DGKK: variants seen among roughly 807,000 people sequenced by gnomAD.
DGKK encodes 142 kDa diacylglycerol kinase.
A neutral mutation model predicts 92.2 loss-of-function variants in DGKK; 35 were observed. That is an observed-to-expected ratio of 0.38 (90% CI 0.29 to 0.50). The LOEUF (loss-of-function observed/expected upper bound fraction) is 0.50. Among genes scored for constraint, DGKK ranks in the 20% least tolerant of loss-of-function variants. The pLI is 0.92. For missense variants in DGKK, 910 were observed against 992.2 expected (o/e 0.92, Z 1.11); for synonymous variants, 368 against 360.6 (o/e 1.02, Z -0.23).
intron 1 of DGKK, among the ~76,000 whole-genome samples, chrX:50,444,456 C>T (rs541542135): frequency 9.0e-6 from 1 of 110,880 alleles, no homozygotes; most frequent in East Asian, 2.9e-4. Flanking sequence ...CCTCCACCCT[C>T]AAGTACGCCC....
chrX:50,379,835 A>G, intron 19 of DGKK, 101 bp from the exon 20 acceptor site: 3 of 905,547 alleles, frequency 3.3e-6, no homozygotes, highest in East Asian at 3.1e-5. Context: ...CTTCCATTAC[A>G]TGGAAATCTA....
At chrX:50,468,857 T>TTGTGTG (rs145971796) in intron 1 of DGKK, among the ~76,000 whole-genome samples, 388 of 103,339 alleles carry the variant, frequency 3.8e-3, no homozygotes, top group African/African-American at 0.013. Context: ...TGTTATTCGT[T>TTGTGTG]TGTGTGTGTG....
chrX:50,377,747 G>A (rs782785556), intron 22 of DGKK, among the ~76,000 whole-genome samples: 2 of 112,116 alleles, frequency 1.8e-5, no homozygotes, highest in African/African-American at 6.5e-5. Flanking sequence ...ATCATCTGAC[G>A]CTTTTAGCTC....
chrX:50,401,341 C>T (rs1449904412), intron 7 of DGKK, among the ~76,000 whole-genome samples: 1 of 111,037 alleles, frequency 9.0e-6, no homozygotes, highest in Admixed American at 9.6e-5. Flanking sequence ...AGTGTGGCCT[C>T]AGAACTCTGG....
At chrX:50,434,505 G>A (rs1557230584) in intron 1 of DGKK, among the ~76,000 whole-genome samples, 1 of 110,840 alleles carries the variant, frequency 9.0e-6, no homozygotes, top group African/African-American at 3.3e-5. Flanking sequence ...ATCATGATCT[G>A]ACTTGGGTGT....
At chrX:50,403,361 C>A (rs1051161155) in intron 6 of DGKK, 130 bp downstream of exon 6, 2 of 859,550 alleles carry the variant, frequency 2.3e-6, no homozygotes, top group African/African-American at 2.0e-5. Flanking sequence ...TTCATTCTTC[C>A]AGATAAGTTG....
chrX:50,395,174 G>T (rs1924814590), intron 8 of DGKK, among the ~76,000 whole-genome samples: 2 of 111,500 alleles, frequency 1.8e-5, no homozygotes, highest in African/African-American at 6.5e-5. Context: ...GATATTTAAA[G>T]AAAGTAGTCA....
intron 25 of DGKK, among the ~76,000 whole-genome samples, chrX:50,374,092 C>T (rs1924209168): frequency 9.0e-6 from 1 of 111,584 alleles, no homozygotes; most frequent in Non-Finnish European, 1.9e-5. Context: ...GAATTGTGTC[C>T]CCCCAGGAAT....
Position 50,388,543 on chromosome X carries a change from T to A in DGKK, c.2002A>T (p.Met668Leu), listed in dbSNP as rs1924608251. The change falls in exon 13 of 28, where the codon ATG becomes TTG. Residue 668 changes from methionine to leucine, a missense_variant. By Grantham distance (15) the Met-to-Leu change is conservative. Coordinates refer to ENST00000611977, the MANE Select transcript of DGKK (RefSeq NM_001013742.4). ...AAGACTGACCTGGTTGCGATGATCATCTCTGTGGGGTACTTGGCCTTCAGG... is the reference window on the plus strand; with the variant it reads ...AAGACTGACCTGGTTGCGATGATCAACTCTGTGGGGTACTTGGCCTTCAGG... ...KILKAKYPTEMIIATRFLCSA... is the reference protein window; with the variant it reads ...KILKAKYPTELIIATRFLCSA... 1 of 1,207,552 alleles carries A rather than the reference T, an allele frequency of 8.3e-7. No individual in the cohort carries two copies. Among genetic ancestry groups the A allele is most frequent in the Admixed American group, 2.2e-5 (1 of 45,806 alleles).
intron 12 of DGKK, among the ~76,000 whole-genome samples, chrX:50,389,972 C>T (rs1401241337): frequency 9.0e-6 from 1 of 111,725 alleles, no homozygotes; most frequent in Non-Finnish European, 1.9e-5. Context: ...ACCCCCTCTA[C>T]TTCCTTATAT....
Position 50,380,031 on chromosome X carries a change from C to T in DGKK, c.2704G>A (p.Glu902Lys). The change falls in exon 19 of 28, where the codon GAA (glutamate) becomes AAA (lysine). Residue 902 changes from glutamate (E) to lysine (K), a missense_variant. Physicochemically the swap from Glu to Lys is moderately conservative, Grantham distance 56. Transcript: ENST00000611977. The stretch of plus-strand genomic sequence containing the variant: ...TTCCTGTAAGAGCGCTGCAAAAGTT[C>T]TTTGGTTCCCAGAAGGCCATACCAC... ...KMWYGLLGTKELLQRSYRKLE... is the reference protein window; with the variant it reads ...KMWYGLLGTKKLLQRSYRKLE... 1 of 1,211,792 alleles carries T rather than the reference C, an allele frequency of 8.3e-7. No homozygotes were observed. Among genetic ancestry groups the T allele is most frequent in the Non-Finnish European group, 1.1e-6 (1 of 895,390 alleles).
intron 11 of DGKK, 147 bp from the exon 12 acceptor site, chrX:50,390,556 T>G: frequency 2.0e-6 from 1 of 493,239 alleles, no homozygotes; most frequent in Non-Finnish European, 3.5e-6. Flanking sequence ...TCTGGTCACC[T>G]GATCTCAAGG....
intron 1 of DGKK, among the ~76,000 whole-genome samples, chrX:50,425,560 C>CACACAT (rs111372094): frequency 8.1e-5 from 9 of 110,483 alleles, no homozygotes; most frequent in African/African-American, 3.0e-4. Flanking sequence ...CACACACACA[C>CACACAT]GTACTCATAC....
At chrX:50,419,676 TAA>T (rs1925523976) in intron 4 of DGKK, among the ~76,000 whole-genome samples, 1 of 111,887 alleles carries the variant, frequency 8.9e-6, no homozygotes, top group African/African-American at 3.2e-5. Context: ...CCGCTGTAAG[TAA>T]ATAAGTGACA....
At chrX:50,402,849 A>T (rs1925044709) in intron 7 of DGKK, among the ~76,000 whole-genome samples, 1 of 111,570 alleles carries the variant, frequency 9.0e-6, no homozygotes, top group South Asian at 3.9e-4. Flanking sequence ...TTAAGAAGCA[A>T]CAAAGATGGT....
At chrX:50,435,770 A>G (rs1926006769) in intron 1 of DGKK, among the ~76,000 whole-genome samples, 1 of 111,058 alleles carries the variant, frequency 9.0e-6, no homozygotes, top group Non-Finnish European at 1.9e-5. Flanking sequence ...TCAGAAAGAG[A>G]GAGAGAGACT....
Position 50,380,073 on chromosome X carries a change from G to A in DGKK, c.2662C>T (p.Arg888Cys), listed in dbSNP as rs1408605183. Residue 888 changes from arginine to cysteine, a missense_variant, in exon 19 of 28, where the codon CGC (arginine) becomes TGC (cysteine). By Grantham distance (180) the Arg-to-Cys change is radical. Transcript: ENST00000611977. The part of the protein sequence containing the change: ...RDEHPGQYNS[R>C]LKNKMWYGLL... ...CCATACCACATCTTGTTCTTAAGGC[G>A]GCTACTACATGGAGGTAAGCATTAA... is the stretch of plus-strand genomic sequence containing the variant. The A allele has an allele frequency of 1.7e-5, 21 of 1,202,339 alleles. No individual in the cohort carries two copies. The highest frequency in any genetic ancestry group is 8.8e-5 in the African/African-American group (5 of 57,013).
At chrX:50,373,405 T>C (rs1014194602) in intron 25 of DGKK, among the ~76,000 whole-genome samples, 4 of 112,201 alleles carry the variant, frequency 3.6e-5, no homozygotes, top group Admixed American at 2.8e-4. Flanking sequence ...GGGAGACTTC[T>C]CAAGTGTGGT....
intron 1 of DGKK, among the ~76,000 whole-genome samples, chrX:50,458,384 T>G (rs2147151465): frequency 9.1e-6 from 1 of 110,020 alleles, no homozygotes; most frequent in South Asian, 4.0e-4. Context: ...TCACTGGATT[T>G]TCATCATGGT....
Sources: gnomAD v4.1 joint callset for allele counts (sites outside exome capture counted in the v4.1 genomes callset) on GRCh38, gnomAD v4.1.1 for gene constraint, MANE v1.5 for transcripts, NCBI Gene and HGNC (gene_info 2026-07-23, HGNC 2026-07-21) for gene names.